The following EPC1 variants were observed in gnomAD, a reference collection of about 807,000 sequenced individuals.
EPC1 encodes the protein enhancer of polycomb homolog 1.
Under a neutral mutation model 98.4 loss-of-function variants are expected in EPC1, and 12 were observed. That is an observed-to-expected ratio of 0.12 (90% CI 0.08 to 0.20). The LOEUF is 0.20. EPC1 is among the 10% of genes least tolerant of loss of function. The pLI is 1.00. For synonymous variants in EPC1, 357 were observed against 363.9 expected (o/e 0.98, Z 0.21); for missense variants, 729 against 990.5 (o/e 0.74, Z 3.54).
chr10:32,296,735 T>C lies in EPC1; in HGVS notation c.314-2998A>G, dbSNP rs563118500. ...CAGCCTGGCCAACACGGTGAAACCC[T>C]ATCTCTACTAAAACTACAAAATTTA... On this transcript the variant is annotated intron_variant, in intron 2 of 13. Coordinates refer to ENST00000319778, the MANE Select transcript of EPC1 (RefSeq NM_001272004.3). Among the ~76,000 whole-genome samples, 508 of 152,164 alleles carry C rather than the reference T, an allele frequency of 3.3e-3. 4 individuals carry two copies. Among genetic ancestry groups the C allele is most frequent in the African/African-American group, 0.012 (497 of 41,498 alleles).
rs199757400 is a variant in EPC1 at position 32,292,680 on chromosome 10, G to C, written c.667-36C>G. On this transcript the variant is annotated intron_variant, in intron 4 of 13. Coordinates refer to ENST00000319778, the MANE Select transcript of EPC1 (RefSeq NM_001272004.3). ...GAAGTTGCTTGTTTAATGTTAGTAAGTATTTCTAACTAGTGGTATAGTTAT... is the reference window on the plus strand; with the variant it reads ...GAAGTTGCTTGTTTAATGTTAGTAACTATTTCTAACTAGTGGTATAGTTAT... 1.1e-4 allele frequency: 169 copies of C among 1,578,590 alleles called. No homozygotes were observed. The African/African-American group carries it at 2.2e-3, about 21-fold the overall frequency.
At chr10:32,296,214 C>T (rs955205368) in intron 2 of EPC1, among the ~76,000 whole-genome samples, 2 of 152,100 alleles carry the variant, frequency 1.3e-5, no homozygotes, top group African/African-American at 2.4e-5. Context: ...GGATTACAGT[C>T]GTGAGCCACC....
At chr10:32,368,814 G>A (rs560912625) in intron 1 of EPC1, among the ~76,000 whole-genome samples, 42 of 152,266 alleles carry the variant, frequency 2.8e-4, no homozygotes, top group Admixed American at 1.3e-3. Context: ...AGAACTTAGA[G>A]TACATCTTGA....
intron 2 of EPC1, among the ~76,000 whole-genome samples, chr10:32,294,085 A>T (rs1835003748): frequency 6.6e-6 from 1 of 152,250 alleles, no homozygotes; most frequent in South Asian, 2.1e-4. Context: ...TTTATAGCTC[A>T]AAAATCATCA....
At position 32,332,139 on chromosome 10, in the gene EPC1, G is replaced by C. The variant is rs1399406077; in HGVS notation, c.153+14624C>G. Among the ~76,000 whole-genome samples, 3 of 152,204 alleles carry C rather than the reference G, an allele frequency of 2.0e-5. No homozygotes were observed. The South Asian group carries it at 6.2e-4, about 31-fold the overall frequency. On this transcript the variant is annotated intron_variant, in intron 1 of 13. Transcript: ENST00000319778. ...AATAGTTTTTGCTTTCAAAGGGTTT[G>C]TTGCAAAGGAAACAATCATAAATGA...
chr10:32,324,501 G>A (rs1263529022), intron 1 of EPC1, among the ~76,000 whole-genome samples: 3 of 150,278 alleles, frequency 2.0e-5, no homozygotes, highest in African/African-American at 7.4e-5. Flanking sequence ...CTGCAATCCA[G>A]CCTGGGCTAC....
At chr10:32,322,932 A>T (rs1837018630) in intron 1 of EPC1, among the ~76,000 whole-genome samples, 1 of 152,142 alleles carries the variant, frequency 6.6e-6, no homozygotes, top group African/African-American at 2.4e-5. Context: ...TAAAGAGACC[A>T]TTTTTTTTAA....
chr10:32,299,475 C>T (rs377592785), intron 2 of EPC1, among the ~76,000 whole-genome samples: 5 of 152,090 alleles, frequency 3.3e-5, no homozygotes, highest in African/African-American at 7.2e-5. Context: ...CGTGAGTCCC[C>T]GTGCCTGGCC....
At chr10:32,276,546 A>G (rs1211059886) in intron 10 of EPC1, among the ~76,000 whole-genome samples, 7 of 152,222 alleles carry the variant, frequency 4.6e-5, no homozygotes, top group African/African-American at 1.7e-4. Context: ...AATGAGAATG[A>G]GATTAAATTA....
chr10:32,278,495 C>T (rs1345394364), intron 10 of EPC1, among the ~76,000 whole-genome samples: 1 of 140,522 alleles, frequency 7.1e-6, no homozygotes, highest in Non-Finnish European at 1.5e-5. Flanking sequence ...CATTCTCCTG[C>T]CTCAGCCTCC....
chr10:32,284,707 C>T lies in EPC1; in HGVS notation c.1735G>A (p.Ala579Thr). ...TTAACAGTCAACATACCAAAGTGTGCTGAACCACTGCTACTTTTACTTTGC... is the reference window on the plus strand; with the variant it reads ...TTAACAGTCAACATACCAAAGTGTGTTGAACCACTGCTACTTTTACTTTGC... ...STQSKSSSGS[A>T]HFAFTAEQYQ... The change falls in exon 10 of 14, where the codon GCA (alanine) becomes ACA (threonine). Residue 579 changes from alanine (A) to threonine (T), a missense_variant. Ala to Thr is a moderately conservative substitution (Grantham distance 58, BLOSUM62 0). Coordinates refer to ENST00000319778, the MANE Select transcript of EPC1 (RefSeq NM_001272004.3). The T allele has an allele frequency of 1.2e-6, 2 of 1,611,170 alleles. No homozygotes were observed. The highest frequency in any genetic ancestry group is 1.7e-6 in the Non-Finnish European group (2 of 1,177,882).
intron 1 of EPC1, among the ~76,000 whole-genome samples, chr10:32,319,437 T>C (rs1836750937): frequency 6.6e-6 from 1 of 152,162 alleles, no homozygotes; most frequent in Non-Finnish European, 1.5e-5. Flanking sequence ...AACTGGACCA[T>C]ACTTTCACCA....
intron 1 of EPC1, among the ~76,000 whole-genome samples, chr10:32,333,645 A>C (rs1286367734): frequency 6.6e-6 from 1 of 152,204 alleles, no homozygotes; most frequent in African/African-American, 2.4e-5. Flanking sequence ...GAGTAACTAT[A>C]AAATCTTCTG....
At chr10:32,299,046 A>T (rs7917755) in intron 2 of EPC1, among the ~76,000 whole-genome samples, 3,048 of 152,304 alleles carry the variant, frequency 0.02, 108 homozygotes, top group African/African-American at 0.07. Flanking sequence ...ACCCAGATTC[A>T]GCTATTGTTA....
chr10:32,336,115 C>G (rs748380276), intron 1 of EPC1, among the ~76,000 whole-genome samples: 1 of 148,042 alleles, frequency 6.8e-6, no homozygotes, highest in Non-Finnish European at 1.5e-5. Flanking sequence ...ATTGTCCAGG[C>G]TGGAGTGCAA....
intron 1 of EPC1, among the ~76,000 whole-genome samples, chr10:32,339,632 C>CT (rs1285281410): frequency 6.6e-6 from 1 of 152,192 alleles, no homozygotes; most frequent in African/African-American, 2.4e-5. Context: ...CAAAATACAT[C>CT]TAACACTTTT....
intron 2 of EPC1, among the ~76,000 whole-genome samples, chr10:32,304,095 T>C (rs1835733947): frequency 6.6e-6 from 1 of 152,232 alleles, no homozygotes. Flanking sequence ...TTATTAATAT[T>C]TGATTATAAT....
At chr10:32,359,149 A>G (rs1212759996) in intron 1 of EPC1, among the ~76,000 whole-genome samples, 1 of 152,216 alleles carries the variant, frequency 6.6e-6, no homozygotes, top group Non-Finnish European at 1.5e-5. Context: ...AAGGAAATAG[A>G]AGTTTTTCCA....
chr10:32,354,661 G>A (rs546673136), intron 1 of EPC1, among the ~76,000 whole-genome samples: 91 of 144,964 alleles, frequency 6.3e-4, no homozygotes, highest in African/African-American at 2.3e-3. Flanking sequence ...ATGTGTAAAT[G>A]TATTGGGATT....
Sources: gnomAD v4.1 joint callset for allele counts (sites outside exome capture counted in the v4.1 genomes callset) on GRCh38, gnomAD v4.1.1 for gene constraint, MANE v1.5 for transcripts, NCBI Gene and HGNC (gene_info 2026-07-23, HGNC 2026-07-21) for gene names.